Variants in CDYL2 observed in about 807,000 individuals in gnomAD.
CDYL2 encodes chromodomain Y like 2, also known as chromodomain Y-like protein 2.
CDYL2 carries 23 observed loss-of-function variants against 49.4 expected under a neutral mutation model. The ratio of observed to expected loss-of-function variants is 0.47; its 90% CI spans 0.34 to 0.66. The LOEUF is 0.66. Among genes scored for constraint, CDYL2 ranks in the 30% least tolerant of loss-of-function variants. The pLI is 0.01. For synonymous variants in CDYL2, 360 were observed against 268.8 expected, an observed-to-expected ratio of 1.34 and a Z score of -3.32; for missense variants, 678 against 656.4, an observed-to-expected ratio of 1.03 and a Z score of -0.36.
Position 80,653,208 on chromosome 16 carries a change from G to C in CDYL2, c.617-19972C>G, listed in dbSNP as rs535168297. ...TGGCTGGGCGCGATGGCTCACGCCT[G>C]TAATCCTGGCACTTTGGGAGGCCAA... is the stretch of plus-strand genomic sequence containing the variant. On this transcript the variant is annotated intron_variant, in intron 2 of 6. Coordinates refer to ENST00000570137, the MANE Select transcript of CDYL2 (RefSeq NM_152342.4). 5.3e-5 allele frequency among the ~76,000 whole-genome samples: 8 copies of C among 152,356 alleles called. No homozygotes were observed. The South Asian group carries it at 1.7e-3, about 32-fold the overall frequency.
Position 80,645,765 on chromosome 16 carries a change from G to C in CDYL2, c.617-12529C>G, listed in dbSNP as rs567598225. On this transcript the variant is annotated intron_variant, in intron 2 of 6. Coordinates refer to ENST00000570137, the MANE Select transcript of CDYL2 (RefSeq NM_152342.4). ...GTCCATCAATGATAGACTGGATTAA[G>C]AAAATGTGGCACATATACACCATGG... is the stretch of plus-strand genomic sequence containing the variant. 1.1e-4 allele frequency among the ~76,000 whole-genome samples: 17 copies of C among 152,062 alleles called. No individual in the cohort carries two copies. In the South Asian group the frequency reaches 3.5e-3, roughly 32 times the overall value.
chr16:80,664,970 C>A (rs1172049315), intron 2 of CDYL2, among the ~76,000 whole-genome samples: 1 of 152,256 alleles, frequency 6.6e-6, no homozygotes, highest in Non-Finnish European at 1.5e-5. Flanking sequence ...TTTGTCATTT[C>A]CCCATTTGTT....
chr16:80,644,037 C>A (rs1044233766), intron 2 of CDYL2, among the ~76,000 whole-genome samples: 4 of 152,180 alleles, frequency 2.6e-5, no homozygotes, highest in Non-Finnish European at 5.9e-5. Flanking sequence ...CTTTTATGCT[C>A]TGTTTCCCTT....
chr16:80,609,633 G>T (rs528317301), intron 5 of CDYL2, among the ~76,000 whole-genome samples: 2 of 152,316 alleles, frequency 1.3e-5, no homozygotes, highest in East Asian at 3.9e-4. Context: ...CTGCTCCAAT[G>T]AACCTGGATT....
chr16:80,620,918 C>T lies in CDYL2; in HGVS notation c.852G>A (p.Arg284=). Residue 284 remains arginine (R), a synonymous_variant, in exon 4 of 7, where the codon CGG becomes CGA. Transcript: ENST00000570137. The part of the protein sequence containing the change: ...ALTPEIMKEV[R]RALCNAATDD... ...CTGTGGCTGCGTTGCAGAGCGCTCGCCGGACTTCTTTCATGATCTGCCGGC... is the reference window on the plus strand; with the variant it reads ...CTGTGGCTGCGTTGCAGAGCGCTCGTCGGACTTCTTTCATGATCTGCCGGC... 1.2e-6 allele frequency: 2 copies of T among 1,602,658 alleles called. No individual in the cohort carries two copies. Among genetic ancestry groups the T allele is most frequent in the Non-Finnish European group, 1.7e-6 (2 of 1,172,656 alleles).
At chr16:80,688,307 G>A (rs1322674362) in intron 1 of CDYL2, among the ~76,000 whole-genome samples, 1 of 152,094 alleles carries the variant, frequency 6.6e-6, no homozygotes, top group African/African-American at 2.4e-5. Context: ...ATCTCTAATA[G>A]CCTGGTATGT....
intron 2 of CDYL2, among the ~76,000 whole-genome samples, chr16:80,648,867 T>G (rs188136537): frequency 1.3e-5 from 2 of 152,178 alleles, no homozygotes; most frequent in Non-Finnish European, 2.9e-5. Context: ...ATGCAATACA[T>G]CATATCAACA....
At chr16:80,744,773 T>A (rs545814762) in intron 1 of CDYL2, among the ~76,000 whole-genome samples, 187 of 152,216 alleles carry the variant, frequency 1.2e-3, no homozygotes, top group Non-Finnish European at 2.4e-3. Context: ...TCTCTTCCAG[T>A]TGACAGAGGA....
chr16:80,729,154 G>C (rs1347405680), intron 1 of CDYL2, among the ~76,000 whole-genome samples: 6 of 152,246 alleles, frequency 3.9e-5, no homozygotes, highest in African/African-American at 1.2e-4. Context: ...ACACACACTG[G>C]CAAATTGGAT....
intron 2 of CDYL2, among the ~76,000 whole-genome samples, chr16:80,674,414 T>C (rs951369240): frequency 1.5e-5 from 2 of 135,834 alleles, no homozygotes; most frequent in Admixed American, 7.4e-5. Context: ...CTTGCTAGCT[T>C]CTTTTTCTTC....
At chr16:80,760,049 C>T (rs1011868423) in intron 1 of CDYL2, among the ~76,000 whole-genome samples, 5 of 152,090 alleles carry the variant, frequency 3.3e-5, no homozygotes, top group Admixed American at 1.3e-4. Context: ...AAGAAAATGG[C>T]GAAAATTTAG....
intron 1 of CDYL2, among the ~76,000 whole-genome samples, chr16:80,719,716 C>A (rs1904934836): frequency 6.6e-6 from 1 of 152,216 alleles, no homozygotes. Flanking sequence ...TGAACCCAGA[C>A]ACAGTGGCAG....
chr16:80,712,182 T>C (rs1001434881), intron 1 of CDYL2, among the ~76,000 whole-genome samples: 1 of 45,048 alleles, frequency 2.2e-5, no homozygotes, highest in African/African-American at 1.3e-4. Flanking sequence ...TGTCTTTGTG[T>C]CTGTGTGTGT....
chr16:80,769,112 C>G (rs538074616), intron 1 of CDYL2, among the ~76,000 whole-genome samples: 3 of 152,188 alleles, frequency 2.0e-5, no homozygotes, highest in Non-Finnish European at 2.9e-5. Context: ...CCACAGTCCC[C>G]CAGTCCATGG....
intron 3 of CDYL2, chr16:80,627,579 G>T (rs535208239): frequency 6.6e-6 from 1 of 152,274 alleles, no homozygotes; most frequent in African/African-American, 2.4e-5. Flanking sequence ...AATTTGGACA[G>T]ATGGCTAAGA....
intron 1 of CDYL2, among the ~76,000 whole-genome samples, chr16:80,713,245 G>A (rs543051670): frequency 7.9e-5 from 12 of 152,270 alleles, no homozygotes; most frequent in Admixed American, 2.6e-4. Flanking sequence ...ATAAATGCAC[G>A]GATAAATATG....
chr16:80,709,381 C>CA (rs11412766), intron 1 of CDYL2, among the ~76,000 whole-genome samples: 30,755 of 93,658 alleles, frequency 0.33, 6,572 homozygotes, highest in African/African-American at 0.61. Flanking sequence ...GACTCCATTT[C>CA]AAAAAAAAAA....
Position 80,711,895 on chromosome 16 carries a change from G to A in CDYL2, c.25-26766C>T, listed in dbSNP as rs141112063. On this transcript the variant is annotated intron_variant, in intron 1 of 6. Coordinates refer to ENST00000570137, the MANE Select transcript of CDYL2 (RefSeq NM_152342.4). The stretch of plus-strand genomic sequence containing the variant: ...GGCACTGCGGAATAGAGACGTCAAC[G>A]GGACCCTGAATTATCCATTATCCAA... Among the ~76,000 whole-genome samples the A allele has an allele frequency of 1.1e-3, 161 of 151,784 alleles. 1 individual carries two copies. The highest frequency in any genetic ancestry group is 3.5e-3 in the African/African-American group (143 of 41,362).
chr16:80,663,105 G>C lies in CDYL2; in HGVS notation c.616+21433C>G, dbSNP rs746770456. Among the ~76,000 whole-genome samples, 147 of 95,696 alleles carry C rather than the reference G, an allele frequency of 1.5e-3. 1 individual carries two copies. Among genetic ancestry groups the C allele is most frequent in the Middle Eastern group, 9.3e-3 (1 of 108 alleles). 62.8% of individuals were successfully genotyped at this position (95,696 alleles called of 152,430 possible). ...AGGATAAAAAAATTGTGGTGTTGGG[G>C]GTCTCCTTCTAGCCCCCTAAAAGAC... On this transcript the variant is annotated intron_variant, in intron 2 of 6. Transcript: ENST00000570137.
Sources: allele counts gnomAD v4.1 joint callset (sites outside exome capture counted in the v4.1 genomes callset), GRCh38; gene constraint gnomAD v4.1.1; transcripts MANE v1.5; gene names NCBI Gene and HGNC (gene_info 2026-07-23, HGNC 2026-07-21).